Variants in TRIP10 observed in about 807,000 individuals in gnomAD.
TRIP10 encodes the protein cdc42-interacting protein 4.
A neutral mutation model predicts 80.9 loss-of-function variants in TRIP10; 54 were observed. The ratio of observed to expected loss-of-function variants is 0.67; its 90% CI spans 0.54 to 0.84. The LOEUF is 0.84. TRIP10 is among the 40% of genes least tolerant of loss of function. The pLI, the probability that TRIP10 is intolerant of heterozygous loss-of-function variation, is 0.00. For synonymous variants in TRIP10, 321 were observed against 307.2 expected (o/e 1.04, Z -0.47); for missense variants, 773 against 815.3 (o/e 0.95, Z 0.63).
chr19:6,741,458 T>C (rs539877771), intron 3 of TRIP10, among the ~76,000 whole-genome samples, 177 bp downstream of exon 3: 35 of 152,290 alleles, frequency 2.3e-4, no homozygotes, highest in Non-Finnish European at 4.4e-4. Context: ...CACTACTATG[T>C]AGAGAAATTG....
chr19:6,743,731 G>C lies in TRIP10; in HGVS notation c.537G>C (p.Arg179=), dbSNP rs1291297427. 6.2e-7 allele frequency: 1 copy of C among 1,614,016 alleles called. No homozygotes were observed. Among genetic ancestry groups the C allele is most frequent in the South Asian group, 1.1e-5 (1 of 91,068 alleles). ...VEKAKQQAHL[R]SHMAEESKNE... is the part of the protein sequence containing the mutation. ...AGGCCAAGCAGCAAGCCCACCTTCG[G>C]AGTCACATGGCCGAAGAAAGCAAAA... Residue 179 remains arginine (R), a synonymous_variant, in exon 7 of 15, where the codon CGG becomes CGC. Transcript: ENST00000313244.
chr19:6,745,851 G>T lies in TRIP10; in HGVS notation c.985-178G>T, dbSNP rs1444906507. 3.0e-6 allele frequency: 3 copies of T among 985,330 alleles called. No individual in the cohort carries two copies. Among genetic ancestry groups the T allele is most frequent in the Non-Finnish European group, 3.6e-6 (3 of 829,924 alleles). 61.0% of individuals were successfully genotyped at this position (985,330 alleles called of 1,614,324 possible). A position where few individuals can be genotyped will look rare whatever the true frequency, so the allele number is the denominator to read the frequency against. On this transcript the variant is annotated intron_variant, in intron 9 of 14. Coordinates refer to ENST00000313244, the MANE Select transcript of TRIP10 (RefSeq NM_001288962.2). This position sits in a 1 kb window ranked among gnomAD's most constrained non-coding sequence, Gnocchi z 7.2. ...TTTTCTCTGTGTGGTTGTGCATCTTGAGTTGTGGTTTTCTTACCGTTTTTT... is the reference window on the plus strand; with the variant it reads ...TTTTCTCTGTGTGGTTGTGCATCTTTAGTTGTGGTTTTCTTACCGTTTTTT...
chr19:6,750,245 AC>A (rs769225758), intron 12 of TRIP10, 46 bp from the exon 13 acceptor site: 1 of 1,606,368 alleles, frequency 6.2e-7, no homozygotes, highest in East Asian at 2.2e-5. Context: ...AAGTGGGCTG[AC>A]CCCGGAGCTC....
chr19:6,746,597 C>T lies in TRIP10; in HGVS notation c.1262+36C>T. ...GGGGTAGGGAAGGACAGGCAAGGAA[C>T]ATGATAAAATAGTAAATGAACTTCA... On this transcript the variant is annotated intron_variant, in intron 11 of 14. Coordinates refer to ENST00000313244, the MANE Select transcript of TRIP10 (RefSeq NM_001288962.2). The surrounding 1 kb of genome is among the most constrained non-coding windows in gnomAD (Gnocchi z 6.2). 6.7e-7 allele frequency: 1 copy of T among 1,485,208 alleles called. No individual in the cohort carries two copies. Among genetic ancestry groups the T allele is most frequent in the East Asian group, 2.3e-5 (1 of 44,252 alleles). 92.0% of individuals were successfully genotyped at this position (1,485,208 alleles called of 1,614,324 possible). A position where few individuals can be genotyped will look rare whatever the true frequency, so the allele number is the denominator to read the frequency against.
intron 1 of TRIP10, 173 bp from the exon 2 acceptor site, chr19:6,740,837 T>G: frequency 2.4e-5 from 14 of 571,510 alleles, no homozygotes; most frequent in East Asian, 5.9e-5. Context: ...GGGGAGGGGG[T>G]TCCCGCCAGT....
chr19:6,745,853 G>C lies in TRIP10; in HGVS notation c.985-176G>C. The C allele has an allele frequency of 1.4e-5, 14 of 985,320 alleles. No homozygotes were observed. The highest frequency in any genetic ancestry group is 1.7e-5 in the Non-Finnish European group (14 of 829,922). 61.0% of individuals were successfully genotyped at this position (985,320 alleles called of 1,614,324 possible). On this transcript the variant is annotated intron_variant, in intron 9 of 14. Coordinates refer to ENST00000313244, the MANE Select transcript of TRIP10 (RefSeq NM_001288962.2). The surrounding 1 kb of genome is among the most constrained non-coding windows in gnomAD (Gnocchi z 7.2). ...TTCTCTGTGTGGTTGTGCATCTTGA[G>C]TTGTGGTTTTCTTACCGTTTTTTTT...
At chr19:6,743,159 A>G in intron 4 of TRIP10, 35 bp from the exon 5 acceptor site, 1 of 1,614,068 alleles carries the variant, frequency 6.2e-7, no homozygotes, top group Non-Finnish European at 8.5e-7. Context: ...CTTCTGCTGG[A>G]ACCCTGGCGA....
chr19:6,739,737 C>G lies in TRIP10; in HGVS notation c.-25C>G. ...CGGCGGGGACCGGGTGCGGTGGTGGCTGCGGCGGCGGCGGCGGGAGCAGCA... is the reference window on the plus strand; with the variant it reads ...CGGCGGGGACCGGGTGCGGTGGTGGGTGCGGCGGCGGCGGCGGGAGCAGCA... On this transcript the variant is annotated 5_prime_UTR_variant, in exon 1 of 15. Coordinates refer to ENST00000313244, the MANE Select transcript of TRIP10 (RefSeq NM_001288962.2). 11 of 1,356,226 alleles carry G rather than the reference C, an allele frequency of 8.1e-6. No homozygotes were observed. Among genetic ancestry groups the G allele is most frequent in the East Asian group, 5.9e-5 (2 of 33,966 alleles). 84.0% of individuals were successfully genotyped at this position (1,356,226 alleles called of 1,614,324 possible).
At chr19:6,750,853 AG>A (rs1287044769) in intron 14 of TRIP10, among the ~76,000 whole-genome samples, 1 of 152,124 alleles carries the variant, frequency 6.6e-6, no homozygotes, top group African/African-American at 2.4e-5. Flanking sequence ...AAAATTAGCC[AG>A]GTGTGGTGGC....
intron 3 of TRIP10, among the ~76,000 whole-genome samples, chr19:6,741,527 G>T (rs897266614): frequency 6.6e-6 from 1 of 152,078 alleles, no homozygotes; most frequent in African/African-American, 2.4e-5. Flanking sequence ...AAATACAGAG[G>T]CCCCAGCAGT....
intron 11 of TRIP10, 98 bp from the exon 12 acceptor site, chr19:6,749,836 T>G: frequency 6.7e-7 from 1 of 1,502,530 alleles, no homozygotes; most frequent in Non-Finnish European, 8.9e-7. Flanking sequence ...GGGGAAAGAG[T>G]CAGAATGAGA....
chr19:6,751,118 A>G lies in TRIP10; in HGVS notation c.1713A>G (p.Glu571=). ...AGGGTGAAGACCTCAGTCTTATGGA[A>G]GAAGACAAAGGGGACGGCTGGACCC... ...MAEGEDLSLM[E]EDKGDGWTRV... is the part of the protein sequence containing the mutation. Residue 571 remains glutamate, a synonymous_variant, in exon 15 of 15, where the codon GAA becomes GAG. Transcript: ENST00000313244. 1 of 1,612,600 alleles carries G rather than the reference A, an allele frequency of 6.2e-7. No individual in the cohort carries two copies. Among genetic ancestry groups the G allele is most frequent in the East Asian group, 2.2e-5 (1 of 44,738 alleles).
At chr19:6,750,701 T>C (rs550295467) in intron 14 of TRIP10, 68 bp downstream of exon 14, 2 of 1,593,444 alleles carry the variant, frequency 1.3e-6, no homozygotes, top group African/African-American at 2.7e-5. Flanking sequence ...TCAGTTTAAA[T>C]TCGCCTAAAG....
At position 6,745,892 on chromosome 19, in the gene TRIP10, GTTTTTCC is replaced by G. The variant is rs888196291; in HGVS notation, c.985-124_985-118del. On this transcript the variant is annotated intron_variant, in intron 9 of 14. Coordinates refer to ENST00000313244, the MANE Select transcript of TRIP10 (RefSeq NM_001288962.2). The surrounding 1 kb of genome is among the most constrained non-coding windows in gnomAD (Gnocchi z 7.2). ...ACCGTTTTTTTTCTTTCTCCATTTT[GTTTTTCC>G]TTTTTCCTTTTTTTGCGTCCATCCG... 58 of 1,260,538 alleles carry G rather than the reference GTTTTTCC, an allele frequency of 4.6e-5. No individual in the cohort carries two copies. The highest frequency in any genetic ancestry group is 3.5e-4 in the Admixed American group (9 of 25,472). 78.1% of individuals were successfully genotyped at this position (1,260,538 alleles called of 1,614,324 possible).
chr19:6,744,172 C>T lies in TRIP10; in HGVS notation c.642+336C>T, dbSNP rs1969023568. On this transcript the variant is annotated intron_variant, in intron 7 of 14. Coordinates refer to ENST00000313244, the MANE Select transcript of TRIP10 (RefSeq NM_001288962.2). The surrounding 1 kb of genome is among the most constrained non-coding windows in gnomAD (Gnocchi z 4.9). ...TGAAATTCCTACTTATTCTTCTAAG[C>T]TCCACCTCTAACAACCCCTCTGAAA... Among the ~76,000 whole-genome samples, 1 of 152,174 alleles carries T rather than the reference C, an allele frequency of 6.6e-6. No individual in the cohort carries two copies. Among genetic ancestry groups the T allele is most frequent in the South Asian group, 2.1e-4 (1 of 4,828 alleles).
Position 6,745,510 on chromosome 19 carries a change from CT to C in TRIP10, c.984+517del, listed in dbSNP as rs1368541514. 3.1e-6 allele frequency: 3 copies of C among 953,594 alleles called. No individual in the cohort carries two copies. Among genetic ancestry groups the C allele is most frequent in the Admixed American group, 6.2e-5 (1 of 16,230 alleles). 59.1% of individuals were successfully genotyped at this position (953,594 alleles called of 1,614,324 possible). A position where few individuals can be genotyped will look rare whatever the true frequency, so the allele number is the denominator to read the frequency against. On this transcript the variant is annotated intron_variant, in intron 9 of 14. Transcript: ENST00000313244. The surrounding 1 kb of genome is among the most constrained non-coding windows in gnomAD (Gnocchi z 7.2). ...CCCCGAGCTTAAACTTCTGATGCCC[CT>C]AACCCCTCTCATTTTCCTGCCTTCC...
rs1446654547 is a variant in TRIP10, at chr19:6,743,134, A to G, written c.345+20A>G. 6.2e-7 allele frequency: 1 copy of G among 1,614,160 alleles called. No individual in the cohort carries two copies. Among genetic ancestry groups the G allele is most frequent in the South Asian group, 1.1e-5 (1 of 91,088 alleles). ...AAGATGGTGAGGAGCCCCCCGATTC[A>G]GGTTTTACAAAGGGCTTCTGCTGGA... On this transcript the variant is annotated intron_variant, in intron 4 of 14. Transcript: ENST00000313244.
At position 6,743,730 on chromosome 19, in the gene TRIP10, G is replaced by T; in HGVS notation, c.536G>T (p.Arg179Leu). The change falls in exon 7 of 15, where the codon CGG becomes CTG. Residue 179 changes from arginine to leucine, a missense_variant. Physicochemically the swap from Arg to Leu is moderately radical, Grantham distance 102. Coordinates refer to ENST00000313244, the MANE Select transcript of TRIP10 (RefSeq NM_001288962.2). ...VEKAKQQAHL[R>L]SHMAEESKNE... ...CAGGCCAAGCAGCAAGCCCACCTTC[G>T]GAGTCACATGGCCGAAGAAAGCAAA... is the stretch of plus-strand genomic sequence containing the variant. 1 of 1,614,010 alleles carries T rather than the reference G, an allele frequency of 6.2e-7. No individual in the cohort carries two copies. Among genetic ancestry groups the T allele is most frequent in the African/African-American group, 1.3e-5 (1 of 74,970 alleles).
In TRIP10 at chr19:6,749,979, G is replaced by C. The variant is rs1337753888; in HGVS notation, c.1308G>C (p.Gln436His). ...KMKDVYEKTP[Q>H]MGDPASLEPQ... ...AGGATGTCTATGAGAAGACACCTCA[G>C]ATGGGGGACCCCGCCAGCTTGGAGC... The change falls in exon 12 of 15, where the codon CAG becomes CAC. Residue 436 changes from glutamine (Q) to histidine (H), a missense_variant. Gln to His is a conservative substitution (Grantham distance 24). Transcript: ENST00000313244. 6.2e-7 allele frequency: 1 copy of C among 1,614,164 alleles called. No homozygotes were observed. The highest frequency in any genetic ancestry group is 1.1e-5 in the South Asian group (1 of 91,084).
Sources: gnomAD v4.1 joint callset for allele counts (sites outside exome capture counted in the v4.1 genomes callset) on GRCh38, gnomAD v4.1.1 for gene constraint, Gnocchi (gnomAD v3.1) non-coding constraint, MANE v1.5 for transcripts, NCBI Gene and HGNC (gene_info 2026-07-23, HGNC 2026-07-21) for gene names.